Variants in MTUS2 observed in about 807,000 individuals in gnomAD.
MTUS2 encodes microtubule associated scaffold protein 2, also known as microtubule-associated tumor suppressor candidate 2.
MTUS2 carries 40 observed loss-of-function variants against 114.1 expected under a neutral mutation model. That is an observed-to-expected ratio of 0.35 (90% CI 0.27 to 0.46). The LOEUF (loss-of-function observed/expected upper bound fraction) is 0.46, where lower values mean the gene tolerates loss of function less well. Among genes scored for constraint, MTUS2 ranks in the 20% least tolerant of loss-of-function variants. MTUS2 has a pLI of 1.00. For missense variants in MTUS2, 1,679 were observed against 1,705.4 expected, an observed-to-expected ratio of 0.98 and a Z score of 0.27; for synonymous variants, 688 against 672.0, an observed-to-expected ratio of 1.02 and a Z score of -0.37.
At chr13:29,097,642 T>C (rs760900266) in intron 4 of MTUS2, among the ~76,000 whole-genome samples, 8 of 152,208 alleles carry the variant, frequency 5.3e-5, no homozygotes, top group Non-Finnish European at 1.0e-4. Context: ...CTCACAGTTC[T>C]TGTGGCTGAA....
chr13:29,428,636 C>G (rs1420778218), intron 8 of MTUS2: 7 of 243,104 alleles, frequency 2.9e-5, no homozygotes, highest in Non-Finnish European at 4.0e-5. Context: ...AAGATCTGAT[C>G]GCTGCTGCCC....
At chr13:29,375,418 T>C (rs867100284) in intron 8 of MTUS2, among the ~76,000 whole-genome samples, 4 of 113,854 alleles carry the variant, frequency 3.5e-5, no homozygotes, top group African/African-American at 1.4e-4. Context: ...ATTACTTACT[T>C]TTAATGGCAA....
chr13:28,891,858 C>CAAAAAAAA (rs1169875500), intron 2 of MTUS2, among the ~76,000 whole-genome samples: 2 of 52,182 alleles, frequency 3.8e-5, no homozygotes, highest in Admixed American at 2.3e-4. Context: ...GACTCTGTCT[C>CAAAAAAAA]AAAAAAAAAA....
chr13:29,401,545 A>T (rs1378143793), intron 8 of MTUS2, among the ~76,000 whole-genome samples: 1 of 152,102 alleles, frequency 6.6e-6, no homozygotes. Context: ...ATGACTTGAG[A>T]TAGAGGGGTT....
chr13:29,178,467 C>G (rs967759472), intron 5 of MTUS2, among the ~76,000 whole-genome samples: 1 of 152,080 alleles, frequency 6.6e-6, no homozygotes, highest in Non-Finnish European at 1.5e-5. Flanking sequence ...AGTTTTTAAA[C>G]CTTAGCCCTA....
intron 5 of MTUS2, among the ~76,000 whole-genome samples, chr13:29,226,998 C>T (rs945147329): frequency 6.6e-6 from 1 of 152,096 alleles, no homozygotes; most frequent in Non-Finnish European, 1.5e-5. Flanking sequence ...TGGGTCATGC[C>T]TGTAATCCTA....
intron 8 of MTUS2, among the ~76,000 whole-genome samples, chr13:29,416,885 T>C (rs1391720504): frequency 6.6e-6 from 1 of 152,140 alleles, no homozygotes; most frequent in Non-Finnish European, 1.5e-5. Flanking sequence ...GTTTAATAAG[T>C]CTTAGAGTTG....
At chr13:29,200,731 G>T (rs147303492) in intron 5 of MTUS2, among the ~76,000 whole-genome samples, 36 of 152,032 alleles carry the variant, frequency 2.4e-4, no homozygotes, top group African/African-American at 8.7e-4. Flanking sequence ...TGTTGGTCAG[G>T]CTGGTCTCGA....
intron 5 of MTUS2, among the ~76,000 whole-genome samples, chr13:29,178,281 C>CAAA (rs1359426942): frequency 6.6e-6 from 1 of 152,062 alleles, no homozygotes. Flanking sequence ...GTTACTTTGT[C>CAAA]AATTTTTGTT....
At chr13:28,862,211 A>T (rs1474123900) in intron 2 of MTUS2, among the ~76,000 whole-genome samples, 4 of 152,200 alleles carry the variant, frequency 2.6e-5, no homozygotes, top group South Asian at 4.1e-4. Context: ...AATTTGGGAA[A>T]CATTTATGTA....
At chr13:29,063,936 G>A (rs1219892873) in intron 4 of MTUS2, among the ~76,000 whole-genome samples, 2 of 152,146 alleles carry the variant, frequency 1.3e-5, no homozygotes, top group Non-Finnish European at 2.9e-5. Flanking sequence ...CAGATCCTAT[G>A]GGTGCCCTTC....
chr13:29,001,508 A>C (rs74045505), intron 2 of MTUS2, among the ~76,000 whole-genome samples: 2,685 of 152,302 alleles, frequency 0.018, 80 homozygotes, highest in African/African-American at 0.06. Context: ...GATGAGCTTG[A>C]CATCAACTGA....
At chr13:28,928,716 A>G (rs957009870) in intron 2 of MTUS2, among the ~76,000 whole-genome samples, 4 of 152,222 alleles carry the variant, frequency 2.6e-5, no homozygotes, top group African/African-American at 7.2e-5. Context: ...TGATCCAGCA[A>G]TTCCACTCCT....
At chr13:28,898,768 A>G (rs1879445212) in intron 2 of MTUS2, among the ~76,000 whole-genome samples, 1 of 152,060 alleles carries the variant, frequency 6.6e-6, no homozygotes, top group South Asian at 2.1e-4. Context: ...TTTATTTTAG[A>G]CATACTTAGC....
At chr13:29,255,847 G>A (rs1478614049) in intron 5 of MTUS2, among the ~76,000 whole-genome samples, 6 of 152,184 alleles carry the variant, frequency 3.9e-5, no homozygotes, top group East Asian at 1.9e-4. Flanking sequence ...TTCTGGACAC[G>A]CTGCATTGAG....
At position 29,415,435 on chromosome 13, in the gene MTUS2, G is replaced by A. The variant is rs562791508; in HGVS notation, c.3118-24548G>A. Among the ~76,000 whole-genome samples, 12 of 152,158 alleles carry A rather than the reference G, an allele frequency of 7.9e-5. No individual in the cohort carries two copies. In the South Asian group the frequency reaches 2.3e-3, roughly 29 times the overall value. On this transcript the variant is annotated intron_variant, in intron 8 of 15. Coordinates refer to ENST00000612955, the MANE Select transcript of MTUS2 (RefSeq NM_001033602.4). ...AGTGTTACATCTTCATCACGATTTT[G>A]GCTTTCAGCATTAAAAGGTGCTAAT...
intron 4 of MTUS2, among the ~76,000 whole-genome samples, chr13:29,082,588 A>G (rs2475526): frequency 0.8 from 121,035 of 152,118 alleles, 48,393 homozygotes; most frequent in East Asian, 0.92. Context: ...CAACTTGGCA[A>G]ATAGAATATG....
At chr13:28,830,292 C>CA (rs1874578001) in intron 1 of MTUS2, among the ~76,000 whole-genome samples, 1 of 151,960 alleles carries the variant, frequency 6.6e-6, no homozygotes, top group Admixed American at 6.6e-5. Context: ...ACAGGAAAAA[C>CA]AAAAGTATCC....
intron 2 of MTUS2, among the ~76,000 whole-genome samples, chr13:28,922,007 G>A (rs1295152254): frequency 6.6e-6 from 1 of 152,156 alleles, no homozygotes; most frequent in Non-Finnish European, 1.5e-5. Context: ...ATGTCAAATT[G>A]TAATTTCCAC....
Sources: gnomAD v4.1 joint callset for allele counts (sites outside exome capture counted in the v4.1 genomes callset) on GRCh38, gnomAD v4.1.1 for gene constraint, MANE v1.5 for transcripts, NCBI Gene and HGNC (gene_info 2026-07-23, HGNC 2026-07-21) for gene names.